POT1: variants seen among roughly 807,000 people sequenced by gnomAD.
The protein encoded by POT1 is protection of telomeres 1, also known as protection of telomeres protein 1.
POT1 carries 47 observed loss-of-function variants against 78.5 expected under a neutral mutation model. The observed-to-expected ratio is 0.60, with a 90% CI of 0.47 to 0.76. The LOEUF is 0.76. Among genes scored for constraint, POT1 ranks in the 30% least tolerant of loss-of-function variants. POT1 has a pLI of 0.00. For missense variants in POT1, 646 were observed against 749.9 expected (o/e 0.86, Z 1.62); for synonymous variants, 259 against 260.7 (o/e 0.99, Z 0.06).
intron 7 of POT1, among the ~76,000 whole-genome samples, chr7:124,866,070 G>T (rs924957321): frequency 1.3e-5 from 2 of 151,968 alleles, no homozygotes; most frequent in African/African-American, 2.4e-5. Context: ...TTTTGTTCTT[G>T]TTGGCCACTG....
chr7:124,874,165 A>G (rs1447322276), intron 6 of POT1, among the ~76,000 whole-genome samples: 2 of 152,178 alleles, frequency 1.3e-5, no homozygotes, highest in Non-Finnish European at 2.9e-5. Flanking sequence ...GGAAGTGGTA[A>G]GACTTCTCAT....
intron 6 of POT1, among the ~76,000 whole-genome samples, chr7:124,883,776 C>T (rs1584786292): frequency 6.6e-6 from 1 of 151,640 alleles, no homozygotes; most frequent in Non-Finnish European, 1.5e-5. Context: ...CTGCAAAAGG[C>T]TTTTTTGTTT....
intron 11 of POT1, 117 bp from the exon 12 acceptor site, chr7:124,847,115 C>G (rs1272215821): frequency 1.5e-6 from 1 of 649,508 alleles, no homozygotes; most frequent in Non-Finnish European, 2.7e-6. Flanking sequence ...TGAGATATGC[C>G]ACATTCATGA....
intron 3 of POT1, among the ~76,000 whole-genome samples, chr7:124,903,935 C>G (rs1796692334): frequency 6.6e-6 from 1 of 152,132 alleles, no homozygotes; most frequent in South Asian, 2.1e-4. Flanking sequence ...GGATAAATTA[C>G]TAGACACACA....
At chr7:124,853,736 CTAAT>C (rs1004532596) in intron 9 of POT1, among the ~76,000 whole-genome samples, 11 of 152,086 alleles carry the variant, frequency 7.2e-5, no homozygotes, top group South Asian at 2.1e-4. Flanking sequence ...TAAGAGTTAA[CTAAT>C]TAGAGTTTTG....
chr7:124,852,799 C>G (rs1452475776), intron 10 of POT1, among the ~76,000 whole-genome samples, 173 bp downstream of exon 10: 1 of 152,076 alleles, frequency 6.6e-6, no homozygotes, highest in Non-Finnish European at 1.5e-5. Flanking sequence ...TCTGCTACTA[C>G]TTAGCTCTAT....
At chr7:124,860,914 A>T (rs1020710332) in intron 8 of POT1, among the ~76,000 whole-genome samples, 3 of 152,104 alleles carry the variant, frequency 2.0e-5, no homozygotes, top group Admixed American at 2.0e-4. Context: ...AGCTTCGTCC[A>T]TGTCCTTGCA....
At chr7:124,859,722 TA>T (rs56197887) in intron 8 of POT1, among the ~76,000 whole-genome samples, 32,049 of 139,304 alleles carry the variant, frequency 0.23, 3,827 homozygotes, top group East Asian at 0.31. Context: ...GTTATTTATA[TA>T]AAAAAAAAAA....
At position 124,853,383 on chromosome 7, in the gene POT1, C is replaced by T. The variant is rs1309685929; in HGVS notation, c.703-245G>A. 3.0e-5 allele frequency: 9 copies of T among 297,516 alleles called. No homozygotes were observed. The Admixed American group carries it at 4.5e-4, about 15-fold the overall frequency. 18.4% of individuals were successfully genotyped at this position (297,516 alleles called of 1,614,324 possible). On this transcript the variant is annotated intron_variant, in intron 9 of 18. Coordinates refer to ENST00000357628, the MANE Select transcript of POT1 (RefSeq NM_015450.3). ...GTGCACACACATACATATACACACA[C>T]ATTCAACTGTAAGAGATATTTCCAT...
intron 15 of POT1, 22 bp downstream of exon 15, chr7:124,835,257 A>G: frequency 1.9e-6 from 3 of 1,611,708 alleles, no homozygotes; most frequent in Non-Finnish European, 2.5e-6. Context: ...AAAACAAAAC[A>G]AAACAAAACA....
At chr7:124,921,424 G>A (rs1797146068) in intron 2 of POT1, among the ~76,000 whole-genome samples, 1 of 152,014 alleles carries the variant, frequency 6.6e-6, no homozygotes, top group African/African-American at 2.4e-5. Context: ...GAAAAGACCA[G>A]CTGTAATTCA....
At position 124,885,722 on chromosome 7, in the gene POT1, T is replaced by C. The variant is rs527238507; in HGVS notation, c.124+6544A>G. On this transcript the variant is annotated intron_variant, in intron 6 of 18. Coordinates refer to ENST00000357628, the MANE Select transcript of POT1 (RefSeq NM_015450.3). ...CGGAGCTTGCAGTGAGCTAAGATCATGCCACTGCACTCCAGCCTGGGTGAC... is the reference window on the plus strand; with the variant it reads ...CGGAGCTTGCAGTGAGCTAAGATCACGCCACTGCACTCCAGCCTGGGTGAC... 1.7e-3 allele frequency among the ~76,000 whole-genome samples: 251 copies of C among 152,042 alleles called. 2 individuals carry two copies. The highest frequency in any genetic ancestry group is 5.7e-3 in the African/African-American group (237 of 41,480).
At chr7:124,914,442 CA>C (rs1376778336) in intron 3 of POT1, among the ~76,000 whole-genome samples, 1 of 151,980 alleles carries the variant, frequency 6.6e-6, no homozygotes, top group East Asian at 1.9e-4. Flanking sequence ...GACAGCTTAA[CA>C]TATCAAGTCT....
chr7:124,889,686 G>A lies in POT1; in HGVS notation c.124+2580C>T, dbSNP rs1037949435. ...TACTCACTTAGTCTCAAAATCCTAG[G>A]GCCTTTCAAAATTAGCAAAACCAAC... On this transcript the variant is annotated intron_variant, in intron 6 of 18. Transcript: ENST00000357628. Among the ~76,000 whole-genome samples, 48 of 99,556 alleles carry A rather than the reference G, an allele frequency of 4.8e-4. 1 individual carries two copies. Among genetic ancestry groups the A allele is most frequent in the African/African-American group, 1.9e-3 (42 of 22,616 alleles). The allele number at this position is 99,556 out of a possible 152,430, so 65.3% of individuals were successfully genotyped here. A position where few individuals can be genotyped will look rare whatever the true frequency, so the allele number is the denominator to read the frequency against.
chr7:124,905,662 T>C (rs538167770), intron 3 of POT1, among the ~76,000 whole-genome samples: 1 of 152,260 alleles, frequency 6.6e-6, no homozygotes, highest in East Asian at 1.9e-4. Flanking sequence ...AAAGAGCTTC[T>C]GCACAGCAAA....
Position 124,863,521 on chromosome 7 carries a change from G to A in POT1, c.375C>T (p.Phe125=), listed in dbSNP as rs1584773021. 3.1e-6 allele frequency: 5 copies of A among 1,613,926 alleles called. No homozygotes were observed. Among genetic ancestry groups the A allele is most frequent in the Non-Finnish European group, 4.2e-6 (5 of 1,179,862 alleles). Residue 125 remains phenylalanine, a synonymous_variant, in exon 8 of 19, where the codon TTC becomes TTT. Coordinates refer to ENST00000357628, the MANE Select transcript of POT1 (RefSeq NM_015450.3). ...CTACCATTTTGTGGTCCTCAGTAGT[G>A]AAGTTAAAATACTTGCTTGAAGTGC... is the stretch of plus-strand genomic sequence containing the variant. ...IPRTSSKYFN[F]TTEDHKMVEA...
At chr7:124,843,724 C>T (rs1192007948) in intron 12 of POT1, among the ~76,000 whole-genome samples, 1 of 152,198 alleles carries the variant, frequency 6.6e-6, no homozygotes, top group Non-Finnish European at 1.5e-5. Flanking sequence ...CAACAGCTTG[C>T]TATACATTCT....
At chr7:124,829,412 T>C in intron 15 of POT1, 70 bp from the exon 16 acceptor site, 1 of 896,948 alleles carries the variant, frequency 1.1e-6, no homozygotes, top group Non-Finnish European at 1.7e-6. Flanking sequence ...AACTTTTTAC[T>C]GCTCAAACAT....
At chr7:124,894,562 A>G (rs115198539) in intron 5 of POT1, among the ~76,000 whole-genome samples, 152 of 151,728 alleles carry the variant, frequency 1.0e-3, no homozygotes, top group African/African-American at 3.5e-3. Context: ...AAATTCATAA[A>G]TTGATATTTT....
Sources: gnomAD v4.1 joint callset for allele counts (sites outside exome capture counted in the v4.1 genomes callset) on GRCh38, gnomAD v4.1.1 for gene constraint, MANE v1.5 for transcripts, NCBI Gene and HGNC (gene_info 2026-07-23, HGNC 2026-07-21) for gene names.